RIMS2: variants seen among roughly 807,000 people sequenced by gnomAD.
The protein encoded by RIMS2 is regulating synaptic membrane exocytosis 2.
Under a neutral mutation model 174.4 loss-of-function variants are expected in RIMS2, and 59 were observed. That is an observed-to-expected ratio of 0.34 (90% confidence interval 0.27 to 0.42). The LOEUF is 0.42. Among genes scored for constraint, RIMS2 ranks in the 10% least tolerant of loss-of-function variants. RIMS2 has a pLI of 1.00. For missense variants in RIMS2, 1,620 were observed against 1,666.3 expected (o/e 0.97, Z 0.48); for synonymous variants, 606 against 572.5 (o/e 1.06, Z -0.84).
intron 19 of RIMS2, among the ~76,000 whole-genome samples, chr8:104,167,709 T>C (rs1205716186): frequency 2.6e-5 from 4 of 152,166 alleles, no homozygotes; most frequent in Non-Finnish European, 5.9e-5. Context: ...TCTGTTTTTG[T>C]TGCATTTGCT....
In RIMS2 at chr8:103,943,789, C is replaced by T. The variant is rs147183610; in HGVS notation, c.2701+863C>T. Among the ~76,000 whole-genome samples, 24 of 152,220 alleles carry T rather than the reference C, an allele frequency of 1.6e-4. No homozygotes were observed. The East Asian group carries it at 2.5e-3, about 16-fold the overall frequency. On this transcript the variant is annotated intron_variant, in intron 14 of 23. Coordinates refer to ENST00000504942, the Ensembl canonical transcript of RIMS2. ...TATTCATGGGGTAGTTATATCTTTA[C>T]GGAGACAGCATGCTCCAGTTTTAGC...
At chr8:104,008,694 AT>A (rs1178423069) in intron 17 of RIMS2, among the ~76,000 whole-genome samples, 2 of 151,830 alleles carry the variant, frequency 1.3e-5, no homozygotes, top group East Asian at 1.9e-4. Context: ...GGTAATAGTA[AT>A]TTTTTTCTAC....
chr8:104,026,371 T>C (rs1188386361), intron 19 of RIMS2, among the ~76,000 whole-genome samples: 2 of 152,208 alleles, frequency 1.3e-5, no homozygotes, highest in African/African-American at 2.4e-5. Context: ...TAGTTTTGTT[T>C]CCATTTTATT....
chr8:104,223,615 T>C, intron 19 of RIMS2: 1 of 1,552,996 alleles, frequency 6.4e-7, no homozygotes, highest in Non-Finnish European at 8.7e-7. Flanking sequence ...AGACGCCGCG[T>C]ATCTTGTACC....
intron 4 of RIMS2, 73 bp downstream of exon 7, chr8:103,886,296 G>C (rs1009219207): frequency 1.5e-6 from 2 of 1,310,248 alleles, no homozygotes; most frequent in South Asian, 1.5e-5. Context: ...GCATTTCTGA[G>C]TGAAAATTTA....
intron 1 of RIMS2, among the ~76,000 whole-genome samples, chr8:103,630,925 G>C (rs555104417): frequency 6.6e-6 from 1 of 152,206 alleles, no homozygotes; most frequent in East Asian, 1.9e-4. Flanking sequence ...CTTCTTTTGA[G>C]AAGTGTCTGT....
intron 3 of RIMS2, among the ~76,000 whole-genome samples, chr8:103,850,515 A>T (rs142530944): frequency 6.6e-6 from 1 of 152,000 alleles, no homozygotes; most frequent in African/African-American, 2.4e-5. Context: ...TCATCTTCCA[A>T]TGTAGCTCCT....
At position 104,013,334 on chromosome 8, in the gene RIMS2, T is replaced by G. The variant is rs769388203; in HGVS notation, c.3045-108T>G. The G allele has an allele frequency of 2.7e-5, 23 of 863,290 alleles. 1 individual carries two copies. The highest frequency in any genetic ancestry group is 3.4e-4 in the Middle Eastern group (1 of 2,966). The allele number at this position is 863,290 out of a possible 1,614,324, so 53.5% of individuals were successfully genotyped here. A position where few individuals can be genotyped will look rare whatever the true frequency, so the allele number is the denominator to read the frequency against. On this transcript the variant is annotated intron_variant, in intron 17 of 23. Transcript: ENST00000504942. The stretch of plus-strand genomic sequence containing the variant: ...GGGGAAAAGAAAAATTTTTACATAC[T>G]CCATAATTTTAAACAATTACCTTTT...
chr8:103,566,153 C>G (rs1045561548), intron 1 of RIMS2, among the ~76,000 whole-genome samples: 2 of 152,110 alleles, frequency 1.3e-5, no homozygotes, highest in Non-Finnish European at 2.9e-5. Context: ...CAATTTGAGT[C>G]AAATCCAGTG....
intron 1 of RIMS2, among the ~76,000 whole-genome samples, chr8:103,511,568 T>C (rs1037820978): frequency 3.3e-5 from 5 of 152,222 alleles, no homozygotes; most frequent in African/African-American, 1.2e-4. Context: ...GTAGTGTATG[T>C]TATGATTAAA....
At chr8:104,014,811 A>G (rs2095858127) in intron 19 of RIMS2, among the ~76,000 whole-genome samples, 196 bp downstream of exon 21, 1 of 152,160 alleles carries the variant, frequency 6.6e-6, no homozygotes, top group African/African-American at 2.4e-5. Context: ...AAAATAAGGT[A>G]TCTTTATTGC....
At chr8:103,888,948 A>G (rs1167055813) in intron 4 of RIMS2, among the ~76,000 whole-genome samples, 6 of 151,686 alleles carry the variant, frequency 4.0e-5, no homozygotes, top group African/African-American at 1.4e-4. Context: ...TTGGAAGAAT[A>G]AACTTGAATG....
At chr8:104,247,936 A>C (rs564405711) in intron 20 of RIMS2, among the ~76,000 whole-genome samples, 1 of 152,346 alleles carries the variant, frequency 6.6e-6, no homozygotes, top group African/African-American at 2.4e-5. Flanking sequence ...TAAAAGGTCA[A>C]AGGATCGAGC....
chr8:103,635,543 C>T (rs79894141), intron 1 of RIMS2, among the ~76,000 whole-genome samples: 3 of 152,234 alleles, frequency 2.0e-5, no homozygotes, highest in African/African-American at 2.4e-5. Context: ...GGAGGTGTCA[C>T]CAGTGAAGGC....
At chr8:103,910,666 G>A in intron 5 of RIMS2, 137 bp downstream of exon 8, 2 of 510,560 alleles carry the variant, frequency 3.9e-6, no homozygotes, top group Non-Finnish European at 6.7e-6. Context: ...GTGCAGAAAA[G>A]AAAAACAAAA....
chr8:103,959,588 T>A (rs2089120311), intron 14 of RIMS2, among the ~76,000 whole-genome samples: 2 of 152,020 alleles, frequency 1.3e-5, no homozygotes, highest in Admixed American at 1.3e-4. Flanking sequence ...TTTCTTTTTT[T>A]ATTTTTTTGT....
chr8:103,865,284 C>CTT (rs67300843), intron 3 of RIMS2, among the ~76,000 whole-genome samples: 6,721 of 119,688 alleles, frequency 0.056, 454 homozygotes, highest in Non-Finnish European at 0.08. Flanking sequence ...CAGTTTTTTT[C>CTT]TTTTTTTTTT....
chr8:103,505,281 G>T (rs1822900681), intron 1 of RIMS2, among the ~76,000 whole-genome samples: 1 of 152,122 alleles, frequency 6.6e-6, no homozygotes, highest in Non-Finnish European at 1.5e-5. Context: ...AATATTGTGT[G>T]TGTCTGTATA....
At chr8:103,710,259 C>A (rs2097287959) in intron 2 of RIMS2, among the ~76,000 whole-genome samples, 1 of 152,020 alleles carries the variant, frequency 6.6e-6, no homozygotes, top group Non-Finnish European at 1.5e-5. Context: ...TTTAAAAATT[C>A]TCTTAGTAAT....
Sources: gnomAD v4.1 joint callset for allele counts (sites outside exome capture counted in the v4.1 genomes callset) on GRCh38, gnomAD v4.1.1 for gene constraint, MANE v1.5 for transcripts, NCBI Gene and HGNC (gene_info 2026-07-23, HGNC 2026-07-21) for gene names.